ATP10B: variants seen among roughly 807,000 people sequenced by gnomAD.
The protein encoded by ATP10B is phospholipid-transporting ATPase VB.
Under a neutral mutation model 141.2 loss-of-function variants are expected in ATP10B, and 122 were observed. That is an observed-to-expected ratio of 0.86 (90% CI 0.75 to 1.00). The LOEUF (loss-of-function observed/expected upper bound fraction) is 1.00. ATP10B is among the 50% of genes least tolerant of loss of function. ATP10B has a pLI of 0.00. For synonymous variants in ATP10B, 685 were observed against 692.0 expected, an observed-to-expected ratio of 0.99 and a Z score of 0.16; for missense variants, 1,876 against 1,825.3, an observed-to-expected ratio of 1.03 and a Z score of -0.51.
chr5:160,628,918 T>C (rs914981017), intron 13 of ATP10B, among the ~76,000 whole-genome samples: 2 of 151,768 alleles, frequency 1.3e-5, no homozygotes, highest in Non-Finnish European at 2.9e-5. Flanking sequence ...CAATCACTGA[T>C]GGTTTCTTGT....
the ATP10B span, among the ~76,000 whole-genome samples, chr5:160,880,955 T>C: frequency 6.6e-6 from 1 of 152,120 alleles, no homozygotes; most frequent in South Asian, 2.1e-4. Context: ...TTATTAAAAT[T>C]AAAAACTTCT....
intron 1 of ATP10B, among the ~76,000 whole-genome samples, chr5:160,788,027 A>G (rs6866656): frequency 0.11 from 17,149 of 152,134 alleles, 1,044 homozygotes; most frequent in East Asian, 0.13. Context: ...GTCCTCATCT[A>G]CTTCCTAGAG....
chr5:160,579,592 A>G (rs1755417047), intron 24 of ATP10B, among the ~76,000 whole-genome samples: 1 of 152,160 alleles, frequency 6.6e-6, no homozygotes. Flanking sequence ...GTTTGAAGTC[A>G]AGCAGCATGA....
chr5:160,858,491 C>A, the ATP10B span, among the ~76,000 whole-genome samples: 3 of 151,770 alleles, frequency 2.0e-5, no homozygotes, highest in Non-Finnish European at 2.9e-5. Flanking sequence ...TCCTTGGAGT[C>A]CCAGATATTT....
rs190442637 is a variant in ATP10B at position 160,775,871 on chromosome 5, G to A, written c.-331+9688C>T. On this transcript the variant is annotated intron_variant, in intron 2 of 25. Transcript: ENST00000327245. Reference sequence around the variant, plus strand: ...AATTTTTTGTATTTTTAGTAGAGACGGGGGTTTCACCGTGTTAGCCAGGAT... The same window carrying A: ...AATTTTTTGTATTTTTAGTAGAGACAGGGGTTTCACCGTGTTAGCCAGGAT... Among the ~76,000 whole-genome samples, 224 of 151,784 alleles carry A rather than the reference G, an allele frequency of 1.5e-3. 1 individual carries two copies. Among genetic ancestry groups the A allele is most frequent in the Non-Finnish European group, 1.8e-3 (120 of 67,880 alleles).
chr5:160,634,693 T>C (rs1462900960), intron 11 of ATP10B, 87 bp from the exon 12 acceptor site: 2 of 1,444,902 alleles, frequency 1.4e-6, no homozygotes, highest in South Asian at 2.8e-5. Flanking sequence ...AGGCATTTCA[T>C]AGAAAGTTGA....
intron 3 of ATP10B, among the ~76,000 whole-genome samples, chr5:160,696,185 C>T (rs2127755644): frequency 6.6e-6 from 1 of 152,244 alleles, no homozygotes; most frequent in South Asian, 2.1e-4. Flanking sequence ...TGGCTCACTG[C>T]AACCTCTGCC....
At chr5:160,594,056 C>T (rs1027277448) in intron 22 of ATP10B, among the ~76,000 whole-genome samples, 1 of 152,010 alleles carries the variant, frequency 6.6e-6, no homozygotes, top group Non-Finnish European at 1.5e-5. Context: ...AGATAGTCCT[C>T]GAGAAGAGCA....
intron 13 of ATP10B, among the ~76,000 whole-genome samples, chr5:160,625,098 C>A (rs958737814): frequency 3.9e-5 from 6 of 152,188 alleles, no homozygotes; most frequent in African/African-American, 1.2e-4. Context: ...TCCCAATTGT[C>A]TCTGTATTTA....
chr5:160,875,150 C>T, the ATP10B span, among the ~76,000 whole-genome samples: 2 of 124,448 alleles, frequency 1.6e-5, no homozygotes, highest in South Asian at 2.9e-4. Flanking sequence ...TCGGGTTACC[C>T]TCAAAGGGAA....
At position 160,678,479 on chromosome 5, in the gene ATP10B, T is replaced by C. The variant is rs570184802; in HGVS notation, c.470+7600A>G. On this transcript the variant is annotated intron_variant, in intron 6 of 25. Coordinates refer to ENST00000327245, the MANE Select transcript of ATP10B (RefSeq NM_025153.3). ...TTTGAGATCAGCTTGGTCAATATAG[T>C]GAAACCCCGTCTCTACTAAAAATAC... is the stretch of plus-strand genomic sequence containing the variant. 5.0e-4 allele frequency among the ~76,000 whole-genome samples: 76 copies of C among 152,238 alleles called. 1 individual carries two copies. The highest frequency in any genetic ancestry group is 3.1e-3 in the Admixed American group (47 of 15,286).
chr5:160,926,575 T>C, the ATP10B span, among the ~76,000 whole-genome samples: 1 of 152,208 alleles, frequency 6.6e-6, no homozygotes, highest in African/African-American at 2.4e-5. Context: ...GGGCTGGGGC[T>C]GACGCCAGAA....
intron 2 of ATP10B, 149 bp from the exon 3 acceptor site, chr5:160,717,183 T>A (rs1765714499): frequency 2.0e-6 from 1 of 491,062 alleles, no homozygotes; most frequent in Admixed American, 6.4e-5. Context: ...TAGAAAAACA[T>A]GTGTGGAAAT....
intron 7 of ATP10B, among the ~76,000 whole-genome samples, chr5:160,667,624 C>T (rs1257161442): frequency 6.6e-6 from 1 of 152,172 alleles, no homozygotes; most frequent in Non-Finnish European, 1.5e-5. Context: ...TAAATCATCT[C>T]AGCGAGTGCT....
intron 2 of ATP10B, among the ~76,000 whole-genome samples, chr5:160,784,041 G>A (rs1561849676): frequency 6.6e-6 from 1 of 152,094 alleles, no homozygotes. Context: ...ACCTTGGCCA[G>A]GTAGCATATT....
At chr5:160,800,319 T>C (rs1216971132) in intron 1 of ATP10B, among the ~76,000 whole-genome samples, 1 of 152,204 alleles carries the variant, frequency 6.6e-6, no homozygotes, top group Non-Finnish European at 1.5e-5. Flanking sequence ...AAAATGTCAA[T>C]CTTATTAAAA....
At position 160,708,307 on chromosome 5, in the gene ATP10B, C is replaced by T. The variant is rs114136764; in HGVS notation, c.-205+8602G>A. ...GCAAATTAACACGTGCAGGTAGCTACACTCAACCCCCGCCCCCTTCCAATC... is the reference window on the plus strand; with the variant it reads ...GCAAATTAACACGTGCAGGTAGCTATACTCAACCCCCGCCCCCTTCCAATC... On this transcript the variant is annotated intron_variant, in intron 3 of 25. Coordinates refer to ENST00000327245, the MANE Select transcript of ATP10B (RefSeq NM_025153.3). Among the ~76,000 whole-genome samples the T allele has an allele frequency of 9.9e-3, 1,514 of 152,276 alleles. 26 individuals carry two copies. The highest frequency in any genetic ancestry group is 0.035 in the African/African-American group (1,449 of 41,554).
chr5:160,907,278 C>T, the ATP10B span, among the ~76,000 whole-genome samples: 1 of 150,308 alleles, frequency 6.7e-6, no homozygotes, highest in East Asian at 2.0e-4. Context: ...GCCAAGGAAC[C>T]CTAGTTGATT....
intron 17 of ATP10B, chr5:160,614,654 G>A (rs778463056): frequency 1.3e-5 from 2 of 152,372 alleles, no homozygotes; most frequent in African/African-American, 2.4e-5. Context: ...AGGATGTGGG[G>A]AGCTAATGCA....
Sources: allele counts gnomAD v4.1 joint callset (sites outside exome capture counted in the v4.1 genomes callset), GRCh38; gene constraint gnomAD v4.1.1; transcripts MANE v1.5; gene names NCBI Gene and HGNC (gene_info 2026-07-23, HGNC 2026-07-21).